DHTKD1: variants seen among roughly 807,000 people sequenced by gnomAD.
DHTKD1 encodes the protein 2-oxoadipate dehydrogenase complex component E1.
DHTKD1 carries 78 observed loss-of-function variants against 101.8 expected under a neutral mutation model. The observed-to-expected ratio is 0.77, with a 90% CI of 0.64 to 0.93. The LOEUF is 0.93. Ranked by LOEUF, DHTKD1 falls within the 40% of genes least tolerant of loss-of-function variation. The pLI is 0.00. For missense variants in DHTKD1, 1,223 were observed against 1,161.7 expected (o/e 1.05, Z -0.77); for synonymous variants, 462 against 450.3 (o/e 1.03, Z -0.33).
chr10:12,108,020 G>A lies in DHTKD1; in HGVS notation c.2154+5G>A, dbSNP rs1421439478. Reference sequence around the variant, plus strand: ...CGAATAGAGCGTTTCCTGCAGGTAAGGGTAACGTCTTCCGGAGTCAATGAA... The same window carrying A: ...CGAATAGAGCGTTTCCTGCAGGTAAAGGTAACGTCTTCCGGAGTCAATGAA... On this transcript the variant is annotated splice_donor_5th_base_variant and intron_variant, in intron 12 of 16. Coordinates refer to ENST00000263035, the MANE Select transcript of DHTKD1 (RefSeq NM_018706.7). 1 of 1,604,934 alleles carries A rather than the reference G, an allele frequency of 6.2e-7. No individual in the cohort carries two copies. The highest frequency in any genetic ancestry group is 8.5e-7 in the Non-Finnish European group (1 of 1,171,964).
At position 12,122,057 on chromosome 10, in the gene DHTKD1, A is replaced by G. The variant is rs1226469892; in HGVS notation, c.*1169A>G. ...AGTCACTGTATGAAGTGTCTCCCCAACACTAGCAAATCTAGGTCCTACTAA... is the reference window on the plus strand; with the variant it reads ...AGTCACTGTATGAAGTGTCTCCCCAGCACTAGCAAATCTAGGTCCTACTAA... On this transcript the variant is annotated 3_prime_UTR_variant, in exon 17 of 17. Coordinates refer to ENST00000263035, the MANE Select transcript of DHTKD1 (RefSeq NM_018706.7). The G allele has an allele frequency of 6.6e-6, 1 of 152,126 alleles. No homozygotes were observed. The highest frequency in any genetic ancestry group is 1.5e-5 in the Non-Finnish European group (1 of 68,020). 9.4% of individuals were successfully genotyped at this position (152,126 alleles called of 1,614,324 possible).
At position 12,091,502 on chromosome 10, in the gene DHTKD1, T is replaced by C. The variant is rs755847522; in HGVS notation, c.988-11T>C. 15 of 1,533,868 alleles carry C rather than the reference T, an allele frequency of 9.8e-6. No homozygotes were observed. Among genetic ancestry groups the C allele is most frequent in the Non-Finnish European group, 1.2e-5 (14 of 1,129,860 alleles). ...TTTCTCCCCACCCGCTCCCCTTGCC[T>C]CATGATTTAGGTCCATGGTGATGCT... is the stretch of plus-strand genomic sequence containing the variant. On this transcript the variant is annotated splice_polypyrimidine_tract_variant and intron_variant, in intron 5 of 16. Transcript: ENST00000263035.
intron 1 of DHTKD1, among the ~76,000 whole-genome samples, chr10:12,080,576 T>C (rs556549704): frequency 1.3e-5 from 2 of 151,580 alleles, no homozygotes; most frequent in South Asian, 2.1e-4. Context: ...CCGGGCGTGG[T>C]GGCGGGAACC....
intron 1 of DHTKD1, among the ~76,000 whole-genome samples, chr10:12,080,415 A>G (rs922458921): frequency 6.6e-6 from 1 of 151,916 alleles, no homozygotes; most frequent in East Asian, 1.9e-4. Context: ...GGACCTTATA[A>G]GTTTTAAAAT....
intron 12 of DHTKD1, among the ~76,000 whole-genome samples, chr10:12,108,520 T>A (rs1833282731): frequency 6.6e-6 from 1 of 152,156 alleles, no homozygotes; most frequent in Non-Finnish European, 1.5e-5. Flanking sequence ...CCTCAAGTGA[T>A]CTACCCGCCT....
intron 13 of DHTKD1, among the ~76,000 whole-genome samples, chr10:12,115,873 G>A (rs927357674): frequency 2.0e-5 from 3 of 151,738 alleles, no homozygotes; most frequent in Non-Finnish European, 2.9e-5. Flanking sequence ...GTTCAAGCAA[G>A]GCCTCAGCCT....
At chr10:12,108,343 G>A (rs560106050) in intron 12 of DHTKD1, among the ~76,000 whole-genome samples, 5 of 152,034 alleles carry the variant, frequency 3.3e-5, no homozygotes, top group South Asian at 4.2e-4. Flanking sequence ...GCAGTGGTGC[G>A]ATCTTGGCTC....
intron 1 of DHTKD1, among the ~76,000 whole-genome samples, chr10:12,071,694 GAGAC>G (rs1412368053): frequency 1.3e-5 from 2 of 152,072 alleles, no homozygotes; most frequent in African/African-American, 2.4e-5. Context: ...TTGGGAGGCC[GAGAC>G]AGACAGATCA....
In DHTKD1 at chr10:12,091,971, A is replaced by AT. The variant is rs754359053; in HGVS notation, c.1159+307dup. 6.7e-3 allele frequency among the ~76,000 whole-genome samples: 899 copies of AT among 134,642 alleles called. 8 individuals carry two copies. Among genetic ancestry groups the AT allele is most frequent in the African/African-American group, 0.017 (621 of 36,602 alleles). 88.3% of individuals were successfully genotyped at this position (134,642 alleles called of 152,430 possible). On this transcript the variant is annotated intron_variant, in intron 6 of 16. Transcript: ENST00000263035. ...ATGCGTGCACCACCATGTCTGGCTA[A>AT]TTTTTTTTTTTTTTTTTTTTAGATG...
rs1358874070 is a variant in DHTKD1, at chr10:12,069,198, G to A, written c.154+11G>A. 6.5e-7 allele frequency: 1 copy of A among 1,536,362 alleles called. No individual in the cohort carries two copies. The highest frequency in any genetic ancestry group is 8.8e-7 in the Non-Finnish European group (1 of 1,142,094). ...TGGAGCGCCCCCCAGGTCGGGGATGGGGCCCGGGCGGTGGGAGCGGGGGCT... is the reference window on the plus strand; with the variant it reads ...TGGAGCGCCCCCCAGGTCGGGGATGAGGCCCGGGCGGTGGGAGCGGGGGCT... On this transcript the variant is annotated intron_variant, in intron 1 of 16. Transcript: ENST00000263035.
In DHTKD1 at chr10:12,097,638, T is replaced by C. The variant is rs756208195; in HGVS notation, c.1359-46T>C. 5.9e-6 allele frequency: 9 copies of C among 1,521,934 alleles called. 1 individual carries two copies. The South Asian group carries it at 1.1e-4, about 19-fold the overall frequency. The allele number at this position is 1,521,934 out of a possible 1,614,324, so 94.3% of individuals were successfully genotyped here. On this transcript the variant is annotated intron_variant, in intron 7 of 16. Transcript: ENST00000263035. ...AGTGACTCTCCTTGTCTCTATTAGA[T>C]TGTTACAGGTCAGACTGATTTTTGT...
chr10:12,097,030 T>C (rs1465205066), intron 7 of DHTKD1, among the ~76,000 whole-genome samples: 1 of 152,154 alleles, frequency 6.6e-6, no homozygotes, highest in African/African-American at 2.4e-5. Flanking sequence ...GGAAAAGAGG[T>C]TGTTACTATG....
chr10:12,122,702 T>C lies in DHTKD1; in HGVS notation c.*1814T>C, dbSNP rs1247490083. Reference sequence around the variant, plus strand: ...TTTGAGGGACTTTCCCAACACCAGGTGCTTGGGGATTTCTTAGAGATCACC... The same window carrying C: ...TTTGAGGGACTTTCCCAACACCAGGCGCTTGGGGATTTCTTAGAGATCACC... On this transcript the variant is annotated 3_prime_UTR_variant, in exon 17 of 17. Coordinates refer to ENST00000263035, the MANE Select transcript of DHTKD1 (RefSeq NM_018706.7). 1 of 152,122 alleles carries C rather than the reference T, an allele frequency of 6.6e-6. No homozygotes were observed. The highest frequency in any genetic ancestry group is 1.9e-4 in the East Asian group (1 of 5,196). 9.4% of individuals were successfully genotyped at this position (152,122 alleles called of 1,614,324 possible).
At chr10:12,070,416 C>T (rs1001746864) in intron 1 of DHTKD1, among the ~76,000 whole-genome samples, 1 of 152,190 alleles carries the variant, frequency 6.6e-6, no homozygotes, top group African/African-American at 2.4e-5. Flanking sequence ...TTCCATCAAT[C>T]ACACACTAGA....
chr10:12,090,452 C>T (rs995591504), intron 5 of DHTKD1, among the ~76,000 whole-genome samples: 18 of 136,072 alleles, frequency 1.3e-4, no homozygotes, highest in East Asian at 6.4e-4. Flanking sequence ...TCCTTCCTTC[C>T]TTCCTTCCTT....
At chr10:12,084,783 G>T in intron 3 of DHTKD1, 32 bp downstream of exon 3, 2 of 1,599,736 alleles carry the variant, frequency 1.3e-6, no homozygotes, top group Non-Finnish European at 1.7e-6. Context: ...GGGCACGGTG[G>T]CTCATGCCTG....
chr10:12,114,445 C>T (rs1056814986), intron 13 of DHTKD1, among the ~76,000 whole-genome samples: 7 of 150,790 alleles, frequency 4.6e-5, no homozygotes, highest in Admixed American at 6.6e-5. Context: ...TATAGGCACT[C>T]GCCACCATGC....
chr10:12,083,438 T>C (rs1832852754), intron 2 of DHTKD1, among the ~76,000 whole-genome samples: 1 of 151,872 alleles, frequency 6.6e-6, no homozygotes, highest in African/African-American at 2.4e-5. Context: ...CTAAGCAATA[T>C]AAAGTAAAGG....
Position 12,087,497 on chromosome 10 carries a change from G to A in DHTKD1, c.523-38G>A. On this transcript the variant is annotated intron_variant, in intron 3 of 16. Transcript: ENST00000263035. This position sits in a 1 kb window ranked among gnomAD's most constrained non-coding sequence, Gnocchi z 5.2. ...CTGCCTTCCACTGGAGAAGCTGGCT[G>A]TCTCCTGGCAGCTCACGTCTGACAT... 6.5e-7 allele frequency: 1 copy of A among 1,536,446 alleles called. No homozygotes were observed. Among genetic ancestry groups the A allele is most frequent in the African/African-American group, 1.4e-5 (1 of 73,052 alleles).
Sources: allele counts gnomAD v4.1 joint callset (sites outside exome capture counted in the v4.1 genomes callset), GRCh38; gene constraint gnomAD v4.1.1; non-coding constraint Gnocchi (gnomAD v3.1); transcripts MANE v1.5; gene names NCBI Gene and HGNC (gene_info 2026-07-23, HGNC 2026-07-21).